The following COP1 variants were observed in gnomAD, a reference collection of about 807,000 sequenced individuals.
COP1 encodes COP1 E3 ubiquitin ligase.
COP1 carries 24 observed loss-of-function variants against 101.3 expected under a neutral mutation model. That is an observed-to-expected ratio of 0.24 (90% CI 0.17 to 0.33). The LOEUF (loss-of-function observed/expected upper bound fraction) is 0.33, where lower values mean the gene tolerates loss of function less well. COP1 is among the 10% of genes least tolerant of loss of function. The probability of loss-of-function intolerance (pLI) is 1.00; values close to 1 mark genes in which losing one functional copy is unlikely to be tolerated. For synonymous variants in COP1, 347 were observed against 341.9 expected, an observed-to-expected ratio of 1.01 and a Z score of -0.17; for missense variants, 663 against 906.2, an observed-to-expected ratio of 0.73 and a Z score of 3.45.
At chr1:176,052,705 C>A (rs1322130777) in intron 11 of COP1, among the ~76,000 whole-genome samples, 2 of 152,120 alleles carry the variant, frequency 1.3e-5, no homozygotes, top group East Asian at 1.9e-4. Flanking sequence ...TACCCAATTG[C>A]CCTCTCTGTA....
intron 1 of COP1, among the ~76,000 whole-genome samples, chr1:176,196,360 T>C (rs1309858603): frequency 6.6e-6 from 1 of 152,048 alleles, no homozygotes; most frequent in African/African-American, 2.4e-5. Flanking sequence ...ATCCTCTAGC[T>C]AAACCATTCA....
At chr1:176,162,040 G>T (rs1187728664) in intron 5 of COP1, among the ~76,000 whole-genome samples, 1 of 152,124 alleles carries the variant, frequency 6.6e-6, no homozygotes, top group Non-Finnish European at 1.5e-5. Context: ...TGATAAAAAA[G>T]TCTACAAGAA....
At chr1:176,093,026 C>A (rs1471134873) in intron 9 of COP1, among the ~76,000 whole-genome samples, 1 of 152,120 alleles carries the variant, frequency 6.6e-6, no homozygotes. Flanking sequence ...CAGCCACAGG[C>A]ATCAGCAATT....
At chr1:176,136,636 A>G in intron 6 of COP1, 89 bp from the exon 7 acceptor site, 1 of 807,986 alleles carries the variant, frequency 1.2e-6, no homozygotes, top group Non-Finnish European at 2.0e-6. Context: ...ATAAATTTAC[A>G]TTAGGAAAAT....
At chr1:176,099,200 T>C (rs1682944638) in intron 9 of COP1, among the ~76,000 whole-genome samples, 1 of 152,220 alleles carries the variant, frequency 6.6e-6, no homozygotes, top group Non-Finnish European at 1.5e-5. Flanking sequence ...TATAACAAGC[T>C]ATAGGACTCT....
chr1:176,203,119 T>C (rs1299093211), intron 1 of COP1, among the ~76,000 whole-genome samples: 2 of 151,370 alleles, frequency 1.3e-5, no homozygotes, highest in African/African-American at 4.8e-5. Context: ...GGGCGGATCA[T>C]GAGGTCAGGA....
At chr1:176,034,265 T>C (rs1669111896) in intron 14 of COP1, among the ~76,000 whole-genome samples, 1 of 152,180 alleles carries the variant, frequency 6.6e-6, no homozygotes, top group African/African-American at 2.4e-5. Context: ...ATTGTTGTGT[T>C]TATTAATGAC....
rs555515633 is a variant in COP1, at chr1:176,153,490, T to C, written c.763-4416A>G. Among the ~76,000 whole-genome samples, 260 of 152,334 alleles carry C rather than the reference T, an allele frequency of 1.7e-3. 2 individuals are homozygous for C. Among genetic ancestry groups the C allele is most frequent in the Middle Eastern group, 0.014 (4 of 294 alleles). ...TTGTCAGCTTAAGAAGCTTGTCGGC[T>C]GAGACTATGGGATTTTCTAGGTATA... On this transcript the variant is annotated intron_variant, in intron 5 of 19. Transcript: ENST00000367669.
At chr1:176,004,428 C>T (rs1403540330) in intron 15 of COP1, among the ~76,000 whole-genome samples, 1 of 122,112 alleles carries the variant, frequency 8.2e-6, no homozygotes, top group African/African-American at 2.7e-5. Context: ...CTGTCTTGTG[C>T]CAGTTTTCAA....
chr1:176,015,968 C>T (rs559784277), intron 15 of COP1, among the ~76,000 whole-genome samples: 13 of 152,028 alleles, frequency 8.6e-5, no homozygotes, highest in Non-Finnish European at 1.9e-4. Flanking sequence ...AACACACATG[C>T]TTCAATTTAA....
intron 1 of COP1, among the ~76,000 whole-genome samples, chr1:176,198,271 C>T (rs1271663555): frequency 6.6e-6 from 1 of 152,136 alleles, no homozygotes; most frequent in African/African-American, 2.4e-5. Context: ...CAGTGTGGCA[C>T]TTGTGTAGGG....
intron 15 of COP1, among the ~76,000 whole-genome samples, chr1:176,006,007 A>T (rs932430572): frequency 3.9e-5 from 6 of 152,138 alleles, no homozygotes; most frequent in Non-Finnish European, 8.8e-5. Flanking sequence ...GTCACTCAGG[A>T]CTTGCTTTAT....
chr1:176,111,995 T>C (rs1031724752), intron 9 of COP1, among the ~76,000 whole-genome samples: 6 of 152,238 alleles, frequency 3.9e-5, no homozygotes, highest in African/African-American at 9.6e-5. Flanking sequence ...TAAGCACACA[T>C]GTACCATGCA....
chr1:176,199,097 C>G (rs1363609854), intron 1 of COP1, among the ~76,000 whole-genome samples: 1 of 152,130 alleles, frequency 6.6e-6, no homozygotes, highest in Non-Finnish European at 1.5e-5. Flanking sequence ...GCGTGGGGAC[C>G]ATGAGGTCCA....
At chr1:175,948,296 C>T (rs1309552250) in intron 18 of COP1, among the ~76,000 whole-genome samples, 1 of 152,156 alleles carries the variant, frequency 6.6e-6, no homozygotes, top group African/African-American at 2.4e-5. Flanking sequence ...GGCTCTGGAA[C>T]TTGGATGTGT....
chr1:176,203,569 C>T (rs188576192), intron 1 of COP1, among the ~76,000 whole-genome samples: 7 of 152,222 alleles, frequency 4.6e-5, no homozygotes, highest in Admixed American at 3.9e-4. Flanking sequence ...GTTAAATGAA[C>T]CGTAAGAAAA....
chr1:175,970,477 C>G (rs1653024325), intron 18 of COP1, among the ~76,000 whole-genome samples: 1 of 152,040 alleles, frequency 6.6e-6, no homozygotes, highest in Non-Finnish European at 1.5e-5. Context: ...TATTGAAAAT[C>G]TTGAATGTAA....
At chr1:176,019,922 T>TATGTTC (rs1666448923) in intron 15 of COP1, among the ~76,000 whole-genome samples, 2 of 152,176 alleles carry the variant, frequency 1.3e-5, no homozygotes, top group South Asian at 4.1e-4. Context: ...TCTATTTATA[T>TATGTTC]ATGTTCATGA....
intron 11 of COP1, among the ~76,000 whole-genome samples, chr1:176,049,311 C>T (rs1463997181): frequency 2.6e-5 from 4 of 151,780 alleles, no homozygotes; most frequent in Middle Eastern, 3.2e-3. Context: ...GTGACATTAG[C>T]TAACTCTTAA....
Sources: allele counts gnomAD v4.1 joint callset (sites outside exome capture counted in the v4.1 genomes callset), GRCh38; gene constraint gnomAD v4.1.1; transcripts MANE v1.5; gene names NCBI Gene and HGNC (gene_info 2026-07-23, HGNC 2026-07-21).